GREB1L: variants seen among roughly 807,000 people sequenced by gnomAD.
GREB1L encodes GREB1 like retinoic acid receptor coactivator, also known as GREB1-like protein.
Under a neutral mutation model 200.8 loss-of-function variants are expected in GREB1L, and 17 were observed. The observed-to-expected ratio is 0.08, with a 90% CI of 0.06 to 0.13. The LOEUF is 0.13. GREB1L is among the 10% of genes least tolerant of loss of function. The pLI, the probability that GREB1L is intolerant of heterozygous loss-of-function variation, is 1.00. For missense variants in GREB1L, 1,657 were observed against 2,367.7 expected (o/e 0.70, Z 6.23); for synonymous variants, 789 against 893.0 (o/e 0.88, Z 2.08).
At chr18:21,472,405 A>G (rs564532629) in intron 15 of GREB1L, among the ~76,000 whole-genome samples, 217 of 152,336 alleles carry the variant, frequency 1.4e-3, no homozygotes, top group Non-Finnish European at 2.1e-3. Context: ...CATAGTTTCT[A>G]ATATTTTGAG....
At position 21,518,145 on chromosome 18, in the gene GREB1L, C is replaced by T. The variant is rs1347414400; in HGVS notation, c.5383C>T (p.His1795Tyr). Residue 1795 changes from histidine to tyrosine, a missense_variant, in exon 31 of 33, where the codon CAC becomes TAC. Around this residue, in one of 9 missense-constraint regions of GREB1L, gnomAD observed 190 missense variants for 230.2 expected, o/e 0.83. Transcript: ENST00000424526. Reference protein sequence around the residue: ...AQFLLEKFLQHASYKLFPKAI... With the variant: ...AQFLLEKFLQYASYKLFPKAI... ...GTTTCTCCTGGAGAAATTCCTTCAG[C>T]ACGCCTCATATAAACTCTTCCCCAA... 7 of 1,551,546 alleles carry T rather than the reference C, an allele frequency of 4.5e-6. No homozygotes were observed. The highest frequency in any genetic ancestry group is 2.0e-5 in the Admixed American group (1 of 50,986).
intron 31 of GREB1L, among the ~76,000 whole-genome samples, 173 bp downstream of exon 31, chr18:21,518,407 C>T (rs1248341139): frequency 2.0e-5 from 3 of 152,210 alleles, no homozygotes; most frequent in Non-Finnish European, 4.4e-5. Flanking sequence ...TGTATTTCTA[C>T]CCTTTTGCAT....
rs2038647922 is a variant in GREB1L, at chr18:21,303,286, G to A, written c.-120+60893G>A. The stretch of plus-strand genomic sequence containing the variant: ...ACTGTATTTTCACCCTCTGGGTGCA[G>A]TTACTGTCATCTGTTAGACTTGCAC... On this transcript the variant is annotated intron_variant, in intron 1 of 32. Transcript: ENST00000424526. Among the ~76,000 whole-genome samples, 6 of 152,282 alleles carry A rather than the reference G, an allele frequency of 3.9e-5. 1 individual carries two copies. In the South Asian group the frequency reaches 1.2e-3, roughly 32 times the overall value.
chr18:21,461,679 C>T (rs1229461052), intron 15 of GREB1L, among the ~76,000 whole-genome samples: 3 of 152,300 alleles, frequency 2.0e-5, no homozygotes, highest in Admixed American at 1.3e-4. Flanking sequence ...GCACACACTG[C>T]AGTTCTCCAG....
At chr18:21,281,357 A>G (rs1225734309) in intron 1 of GREB1L, among the ~76,000 whole-genome samples, 2 of 152,104 alleles carry the variant, frequency 1.3e-5, no homozygotes, top group Non-Finnish European at 2.9e-5. Flanking sequence ...AAGTTTATAA[A>G]TGTTGTTGCT....
chr18:21,402,724 T>C (rs2041371214), intron 6 of GREB1L, among the ~76,000 whole-genome samples: 1 of 151,954 alleles, frequency 6.6e-6, no homozygotes, highest in Admixed American at 6.6e-5. Context: ...GGTTTCGCCA[T>C]GTTGCCCAGA....
chr18:21,405,673 C>T (rs1228703607), intron 7 of GREB1L, among the ~76,000 whole-genome samples: 2 of 152,018 alleles, frequency 1.3e-5, no homozygotes, highest in South Asian at 2.1e-4. Flanking sequence ...TGGTGGCATG[C>T]GCCTGTAATT....
intron 1 of GREB1L, among the ~76,000 whole-genome samples, chr18:21,306,098 A>AT (rs903582949): frequency 6.6e-6 from 1 of 152,126 alleles, no homozygotes; most frequent in African/African-American, 2.4e-5. Flanking sequence ...GTACCTGTTT[A>AT]TTGTAATTCG....
At chr18:21,508,088 G>T (rs762401152) in intron 25 of GREB1L, 30 bp from the exon 26 acceptor site, 30 of 1,547,454 alleles carry the variant, frequency 1.9e-5, no homozygotes, top group Non-Finnish European at 2.5e-5. Flanking sequence ...GCTTACTTAC[G>T]TTCCCTCCCT....
At chr18:21,378,756 G>T (rs1410539484) in intron 2 of GREB1L, among the ~76,000 whole-genome samples, 1 of 152,176 alleles carries the variant, frequency 6.6e-6, no homozygotes, top group East Asian at 1.9e-4. Flanking sequence ...CCAAGTCTCA[G>T]CAGGGAATAG....
At chr18:21,469,468 G>T (rs930177853) in intron 15 of GREB1L, among the ~76,000 whole-genome samples, 1 of 152,056 alleles carries the variant, frequency 6.6e-6, no homozygotes, top group Non-Finnish European at 1.5e-5. Context: ...GAAACCATAA[G>T]ATATTCGAGG....
At chr18:21,511,451 TTTTG>T (rs2037234461) in intron 27 of GREB1L, among the ~76,000 whole-genome samples, 1 of 152,246 alleles carries the variant, frequency 6.6e-6, no homozygotes, top group African/African-American at 2.4e-5. Context: ...TTTTCTTAGC[TTTTG>T]TTTTTGATAT....
rs1411390660 is a variant in GREB1L at position 21,426,970 on chromosome 18, A to ACG, written c.833-12551_833-12550insCG. 1.4e-4 allele frequency among the ~76,000 whole-genome samples: 11 copies of ACG among 79,888 alleles called. No individual in the cohort carries two copies. In the East Asian group the frequency reaches 4.9e-3, roughly 35 times the overall value. 52.4% of individuals were successfully genotyped at this position (79,888 alleles called of 152,430 possible). A position where few individuals can be genotyped will look rare whatever the true frequency, so the allele number is the denominator to read the frequency against. Reference sequence around the variant, plus strand: ...CGAGACTACGTCTCAAAAAAAAAAAAAACAAAAAAAAAAAAAACAAAAAAA... The same window carrying ACG: ...CGAGACTACGTCTCAAAAAAAAAAAACGAACAAAAAAAAAAAAAACAAAAAAA... On this transcript the variant is annotated intron_variant, in intron 7 of 32. Transcript: ENST00000424526.
At chr18:21,421,604 T>A (rs1023617965) in intron 7 of GREB1L, among the ~76,000 whole-genome samples, 2 of 152,208 alleles carry the variant, frequency 1.3e-5, no homozygotes, top group African/African-American at 4.8e-5. Context: ...CTCTTGGTCA[T>A]CTGGAAAACC....
At chr18:21,353,218 G>T (rs2039459955) in intron 1 of GREB1L, among the ~76,000 whole-genome samples, 1 of 151,402 alleles carries the variant, frequency 6.6e-6, no homozygotes, top group African/African-American at 2.4e-5. Context: ...GGACCATATT[G>T]CTTTTATAAC....
chr18:21,270,033 G>T (rs562146749), intron 1 of GREB1L, among the ~76,000 whole-genome samples: 1 of 152,182 alleles, frequency 6.6e-6, no homozygotes, highest in African/African-American at 2.4e-5. Context: ...CCTAACCAGA[G>T]ATAACTCCAT....
chr18:21,327,029 AAT>A (rs2039033430), intron 1 of GREB1L, among the ~76,000 whole-genome samples: 1 of 152,166 alleles, frequency 6.6e-6, no homozygotes, highest in Non-Finnish European at 1.5e-5. Flanking sequence ...TGAAACCTTG[AAT>A]TTCTGGGGCA....
intron 1 of GREB1L, among the ~76,000 whole-genome samples, chr18:21,299,521 CTT>C (rs1236833221): frequency 1.4e-5 from 2 of 141,730 alleles, no homozygotes. Context: ...ATTTGGGTTT[CTT>C]TTTTTTTTTT....
chr18:21,310,504 T>A (rs1265942347), intron 1 of GREB1L, among the ~76,000 whole-genome samples: 1 of 152,256 alleles, frequency 6.6e-6, no homozygotes, highest in African/African-American at 2.4e-5. Flanking sequence ...GGTTCTCATA[T>A]CTGCTTCTGC....
Sources: allele counts gnomAD v4.1 joint callset (sites outside exome capture counted in the v4.1 genomes callset), GRCh38; gene constraint gnomAD v4.1.1; regional missense constraint gnomAD v4.1.1; transcripts MANE v1.5; gene names NCBI Gene and HGNC (gene_info 2026-07-23, HGNC 2026-07-21).